Variants in CBLN2 observed in about 807,000 individuals in gnomAD.
The protein encoded by CBLN2 is cerebellin-2.
A neutral mutation model predicts 15.0 loss-of-function variants in CBLN2; 7 were observed. The observed-to-expected ratio is 0.47, with a 90% CI of 0.27 to 0.88. The LOEUF (loss-of-function observed/expected upper bound fraction) is 0.88. Among genes scored for constraint, CBLN2 ranks in the 40% least tolerant of loss-of-function variants. The pLI, the probability that CBLN2 is intolerant of heterozygous loss-of-function variation, is 0.14. For missense variants in CBLN2, 242 were observed against 304.5 expected (o/e 0.79, Z 1.53); for synonymous variants, 149 against 135.2 (o/e 1.10, Z -0.71).
At chr18:72,540,690 A>T (rs184665874) in intron 3 of CBLN2, among the ~76,000 whole-genome samples, 1 of 152,182 alleles carries the variant, frequency 6.6e-6, no homozygotes, top group Non-Finnish European at 1.5e-5. Flanking sequence ...AGAAAAAAAA[A>T]CCTCAAATAC....
At chr18:72,629,518 G>A (rs2069761563) in intron 1 of CBLN2, among the ~76,000 whole-genome samples, 1 of 152,072 alleles carries the variant, frequency 6.6e-6, no homozygotes, top group Admixed American at 6.6e-5. Context: ...GAAAGAAGAA[G>A]AAGACAGATT....
intron 1 of CBLN2, among the ~76,000 whole-genome samples, chr18:72,587,308 CA>C (rs1427844868): frequency 3.9e-5 from 6 of 151,916 alleles, no homozygotes; most frequent in African/African-American, 1.4e-4. Flanking sequence ...ACTTAATATG[CA>C]ACTTGAAATA....
intron 1 of CBLN2, among the ~76,000 whole-genome samples, chr18:72,604,733 G>A (rs984744389): frequency 1.5e-4 from 23 of 152,212 alleles, no homozygotes; most frequent in Admixed American, 2.0e-4. Flanking sequence ...ACCTGAGCTA[G>A]CATTCTCAGC....
intron 1 of CBLN2, among the ~76,000 whole-genome samples, chr18:72,564,823 A>AC (rs924881200): frequency 2.7e-5 from 4 of 150,130 alleles, no homozygotes; most frequent in Non-Finnish European, 4.5e-5. Flanking sequence ...AATAGATTCA[A>AC]CCCAAAAAGA....
intron 1 of CBLN2, among the ~76,000 whole-genome samples, chr18:72,576,385 C>T (rs2069366633): frequency 6.6e-6 from 1 of 152,142 alleles, no homozygotes; most frequent in Non-Finnish European, 1.5e-5. Flanking sequence ...GAGGTCAGAG[C>T]TTGTCCACCT....
chr18:72,563,053 A>T (rs2069271874), intron 1 of CBLN2, among the ~76,000 whole-genome samples: 1 of 152,232 alleles, frequency 6.6e-6, no homozygotes, highest in East Asian at 1.9e-4. Flanking sequence ...GCACATATAG[A>T]TAGTTACATA....
upstream of CBLN2, among the ~76,000 whole-genome samples, chr18:72,544,973 C>CCAA (rs1555700576): frequency 6.8e-6 from 1 of 147,240 alleles, no homozygotes; most frequent in South Asian, 2.2e-4. Flanking sequence ...TTCTGATAGG[C>CCAA]TAATAATAAT....
At chr18:72,610,638 T>C (rs2069615564) in intron 1 of CBLN2, among the ~76,000 whole-genome samples, 1 of 152,170 alleles carries the variant, frequency 6.6e-6, no homozygotes. Flanking sequence ...TCTGAAGCAA[T>C]GTAGAAATCA....
intron 1 of CBLN2, among the ~76,000 whole-genome samples, chr18:72,623,104 G>C (rs1047346403): frequency 6.6e-6 from 1 of 152,096 alleles, no homozygotes; most frequent in Admixed American, 6.6e-5. Context: ...AGCGAAGGGG[G>C]AGGTGCTACA....
In CBLN2 at chr18:72,542,157, G is replaced by C; in HGVS notation, c.4C>G (p.Gln2Glu). M[Q>E]APGRGPLGLR... ...CCGAGTGGCCCCCGGCCGGGCGCCT[G>C]CATCGGGACTGGTGGGAGGCGGCGC... Residue 2 changes from glutamine to glutamate, a missense_variant, in exon 3 of 5, where the codon CAG becomes GAG. Physicochemically the swap from Gln to Glu is conservative, Grantham distance 29 (BLOSUM62 2). This residue lies in a region of CBLN2 where 96 missense variants were observed against 83.8 expected (regional missense o/e 1.15). Coordinates refer to ENST00000269503, the MANE Select transcript of CBLN2 (RefSeq NM_182511.4). The C allele has an allele frequency of 7.7e-7, 1 of 1,300,030 alleles. No individual in the cohort carries two copies. Among genetic ancestry groups the C allele is most frequent in the Non-Finnish European group, 9.7e-7 (1 of 1,030,846 alleles). 80.5% of individuals were successfully genotyped at this position (1,300,030 alleles called of 1,614,324 possible).
rs1200680774 is a variant in CBLN2, at chr18:72,630,533, C to T, written c.15+7792G>A. On this transcript the variant is annotated intron_variant, in intron 1 of 2. Coordinates refer to the CBLN2 transcript ENST00000581073. ...ACACACACACACACCCTGCACAACTCACAACCCTCCCCCCCACACACACAC... is the reference window on the plus strand; with the variant it reads ...ACACACACACACACCCTGCACAACTTACAACCCTCCCCCCCACACACACAC... 2.5e-5 allele frequency among the ~76,000 whole-genome samples: 3 copies of T among 120,924 alleles called. No homozygotes were observed. The Admixed American group carries it at 2.7e-4, about 11-fold the overall frequency. The allele number at this position is 120,924 out of a possible 152,430, so 79.3% of individuals were successfully genotyped here.
chr18:72,538,969 A>G (rs374423240), intron 3 of CBLN2, 197 bp from the exon 4 acceptor site: 27 of 543,174 alleles, frequency 5.0e-5, no homozygotes, highest in African/African-American at 4.9e-4. Flanking sequence ...AGTAATCTCA[A>G]AGGTATTTTA....
At chr18:72,538,559 G>T in intron 4 of CBLN2, 94 bp downstream of exon 4, 2 of 1,544,846 alleles carry the variant, frequency 1.3e-6, no homozygotes, top group Non-Finnish European at 1.8e-6. Flanking sequence ...CCAGTACCCT[G>T]TCTCCCTCAG....
intron 1 of CBLN2, among the ~76,000 whole-genome samples, chr18:72,593,014 A>G (rs1174864051): frequency 6.6e-6 from 1 of 151,946 alleles, no homozygotes; most frequent in Non-Finnish European, 1.5e-5. Context: ...TTTTTCCCCT[A>G]TTTTCACGAA....
chr18:72,560,833 C>G (rs2069255504), intron 1 of CBLN2, among the ~76,000 whole-genome samples: 1 of 152,014 alleles, frequency 6.6e-6, no homozygotes. Flanking sequence ...ATGATGAAAC[C>G]CTGTCTCTAC....
At chr18:72,605,914 G>A (rs1178336077) in intron 1 of CBLN2, among the ~76,000 whole-genome samples, 4 of 151,974 alleles carry the variant, frequency 2.6e-5, no homozygotes, top group African/African-American at 9.7e-5. Context: ...ACACTACAAT[G>A]GCACCTGTGT....
intron 1 of CBLN2, among the ~76,000 whole-genome samples, chr18:72,582,562 A>T (rs2069413199): frequency 6.6e-6 from 1 of 152,164 alleles, no homozygotes; most frequent in Admixed American, 6.5e-5. Flanking sequence ...GACAAGATTA[A>T]TAGGAGAGAA....
At chr18:72,591,274 A>C (rs1048863678) in intron 1 of CBLN2, among the ~76,000 whole-genome samples, 4 of 152,210 alleles carry the variant, frequency 2.6e-5, no homozygotes, top group African/African-American at 7.2e-5. Flanking sequence ...TTATATTGTG[A>C]AAAGAATAAA....
chr18:72,603,472 T>G (rs961805154), intron 1 of CBLN2, among the ~76,000 whole-genome samples: 1 of 152,240 alleles, frequency 6.6e-6, no homozygotes, highest in East Asian at 1.9e-4. Flanking sequence ...CACTATATAT[T>G]CTTGAAACAG....
Sources: gnomAD v4.1 joint callset for allele counts (sites outside exome capture counted in the v4.1 genomes callset) on GRCh38, gnomAD v4.1.1 for gene constraint, gnomAD v4.1.1 regional missense constraint, MANE v1.5 for transcripts, NCBI Gene and HGNC (gene_info 2026-07-23, HGNC 2026-07-21) for gene names.